Variants in WDR59 observed in about 807,000 individuals in gnomAD.
WDR59 encodes the protein GATOR2 complex protein WDR59.
A neutral mutation model predicts 131.2 loss-of-function variants in WDR59; 100 were observed. The ratio of observed to expected loss-of-function variants is 0.76; its 90% CI spans 0.65 to 0.90. The LOEUF is 0.90. Among genes scored for constraint, WDR59 ranks in the 40% least tolerant of loss-of-function variants. The probability of loss-of-function intolerance (pLI) is 0.00; values close to 1 mark genes in which losing one functional copy is unlikely to be tolerated. For synonymous variants in WDR59, 601 were observed against 466.2 expected (o/e 1.29, Z -3.72); for missense variants, 1,203 against 1,262.2 (o/e 0.95, Z 0.71).
chr16:74,981,655 TATA>T (rs2034429528), intron 1 of WDR59, among the ~76,000 whole-genome samples: 9 of 8,284 alleles, frequency 1.1e-3, no homozygotes, highest in South Asian at 5.1e-3. Flanking sequence ...TATATATATA[TATA>T]TATTTTTTTT....
At chr16:74,956,367 C>G in intron 3 of WDR59, 108 bp downstream of exon 3, 2 of 1,393,876 alleles carry the variant, frequency 1.4e-6, no homozygotes, top group Non-Finnish European at 1.9e-6. Context: ...AACCTCTTTT[C>G]CAAATGAGCA....
intron 14 of WDR59, 63 bp from the exon 15 acceptor site, chr16:74,909,980 T>TTG: frequency 2.9e-6 from 4 of 1,360,842 alleles, no homozygotes; most frequent in Non-Finnish European, 4.0e-6. Context: ...TTTTTTTTTT[T>TTG]TTTTTGAGAC....
At chr16:74,938,490 G>A (rs898811071) in intron 7 of WDR59, among the ~76,000 whole-genome samples, 10 of 152,094 alleles carry the variant, frequency 6.6e-5, no homozygotes, top group Non-Finnish European at 1.2e-4. Context: ...TGTGAGCCTC[G>A]TTTCTTCCCA....
intron 18 of WDR59, among the ~76,000 whole-genome samples, chr16:74,897,810 G>T (rs572058204): frequency 6.6e-6 from 1 of 152,204 alleles, no homozygotes; most frequent in Admixed American, 6.5e-5. Flanking sequence ...TGTCACTGTC[G>T]GTTTTTTATA....
chr16:74,924,902 T>A (rs1178382603), intron 8 of WDR59, among the ~76,000 whole-genome samples: 1 of 152,116 alleles, frequency 6.6e-6, no homozygotes, highest in Non-Finnish European at 1.5e-5. Flanking sequence ...ATTACAGGTA[T>A]GAACTACCAC....
At chr16:74,887,843 C>G in intron 22 of WDR59, 88 bp from the exon 23 acceptor site, 1 of 1,319,278 alleles carries the variant, frequency 7.6e-7, no homozygotes, top group Non-Finnish European at 1.1e-6. Context: ...GCAGGCCAAG[C>G]ACGGTGGCTC....
At chr16:74,969,059 G>A (rs762228133) in intron 1 of WDR59, among the ~76,000 whole-genome samples, 42 of 152,282 alleles carry the variant, frequency 2.8e-4, no homozygotes, top group African/African-American at 6.5e-4. Flanking sequence ...AATTCTAGAC[G>A]TGGGTTAAGA....
At chr16:74,899,644 G>C (rs1171109403) in intron 18 of WDR59, 5 of 1,262,974 alleles carry the variant, frequency 4.0e-6, no homozygotes, top group Non-Finnish European at 4.1e-6. Context: ...TTATTCTTGG[G>C]CCTCGGGTAG....
chr16:74,938,042 A>C, intron 8 of WDR59, 108 bp downstream of exon 8: 1 of 725,966 alleles, frequency 1.4e-6, no homozygotes, highest in Non-Finnish European at 2.1e-6. Flanking sequence ...ATGCACCGTG[A>C]AATACATACT....
intron 17 of WDR59, among the ~76,000 whole-genome samples, chr16:74,906,953 A>G (rs1224669941): frequency 6.6e-6 from 1 of 152,222 alleles, no homozygotes; most frequent in African/African-American, 2.4e-5. Flanking sequence ...AAACTATCTC[A>G]GTAAAGGACT....
intron 1 of WDR59, among the ~76,000 whole-genome samples, chr16:74,976,481 C>T (rs1335381533): frequency 2.0e-5 from 3 of 148,646 alleles, no homozygotes; most frequent in Non-Finnish European, 4.4e-5. Context: ...CTTACCCTGT[C>T]GCCCAGGCTG....
intron 18 of WDR59, 46 bp from the exon 19 acceptor site, chr16:74,893,858 G>A: frequency 6.2e-7 from 1 of 1,602,904 alleles, no homozygotes; most frequent in Non-Finnish European, 8.5e-7. Context: ...TTTGACAAGT[G>A]GAAACCAACA....
At chr16:74,944,194 A>G (rs4888319) in intron 6 of WDR59, among the ~76,000 whole-genome samples, 147,578 of 152,216 alleles carry the variant, frequency 0.97, 71,714 homozygotes, top group East Asian at 1. Context: ...GGCCAGGCGC[A>G]GTGGCTTGCA....
At position 74,979,835 on chromosome 16, in the gene WDR59, G is replaced by A. The variant is rs1019310516; in HGVS notation, c.54+5129C>T. ...ATTACAGGTGTGAGTCACCACACCC[G>A]GCCTTTTTTTTTTTTTTTTTTTTTT... On this transcript the variant is annotated intron_variant, in intron 1 of 25. Coordinates refer to ENST00000262144, the MANE Select transcript of WDR59 (RefSeq NM_030581.4). Among the ~76,000 whole-genome samples the A allele has an allele frequency of 7.4e-5, 8 of 108,186 alleles. No homozygotes were observed. The East Asian group carries it at 8.4e-4, about 11-fold the overall frequency. 71.0% of individuals were successfully genotyped at this position (108,186 alleles called of 152,430 possible). A position where few individuals can be genotyped will look rare whatever the true frequency, so the allele number is the denominator to read the frequency against.
At chr16:74,899,754 T>A (rs1381904590) in intron 18 of WDR59, 1 of 1,288,988 alleles carries the variant, frequency 7.8e-7, no homozygotes, top group South Asian at 1.2e-5. Flanking sequence ...CGAGGAGACA[T>A]CTGTGCATGA....
chr16:74,913,381 C>T (rs975120368), intron 13 of WDR59, among the ~76,000 whole-genome samples: 1 of 152,058 alleles, frequency 6.6e-6, no homozygotes, highest in Admixed American at 6.5e-5. Context: ...ATTCTCCCAC[C>T]TCAACCTCCC....
intron 8 of WDR59, among the ~76,000 whole-genome samples, chr16:74,924,975 A>T (rs2030632263): frequency 1.3e-5 from 2 of 152,098 alleles, no homozygotes. Context: ...ACCCAGCAAT[A>T]CCACTCCTAC....
At chr16:74,930,346 C>A (rs966512993) in intron 8 of WDR59, among the ~76,000 whole-genome samples, 4 of 152,044 alleles carry the variant, frequency 2.6e-5, no homozygotes, top group African/African-American at 9.7e-5. Flanking sequence ...CCATAAATTT[C>A]TCTTTAAAAA....
At chr16:74,967,226 G>C (rs2033810208) in intron 1 of WDR59, among the ~76,000 whole-genome samples, 1 of 152,186 alleles carries the variant, frequency 6.6e-6, no homozygotes, top group Non-Finnish European at 1.5e-5. Flanking sequence ...AGGCTGCAAA[G>C]TGATTAACAT....
Sources: gnomAD v4.1 joint callset for allele counts (sites outside exome capture counted in the v4.1 genomes callset) on GRCh38, gnomAD v4.1.1 for gene constraint, MANE v1.5 for transcripts, NCBI Gene and HGNC (gene_info 2026-07-23, HGNC 2026-07-21) for gene names.